The following MCC variants were observed in gnomAD, a reference collection of about 807,000 sequenced individuals.
MCC encodes MCC regulator of Wnt signaling pathway.
A neutral mutation model predicts 116.2 loss-of-function variants in MCC; 90 were observed. The observed-to-expected ratio is 0.77, with a 90% CI of 0.65 to 0.92. The LOEUF is 0.92. MCC is among the 40% of genes least tolerant of loss of function. The probability of loss-of-function intolerance (pLI) is 0.00; values close to 1 mark genes in which losing one functional copy is unlikely to be tolerated. For missense variants in MCC, 1,516 were observed against 1,312.2 expected, an observed-to-expected ratio of 1.16 and a Z score of -2.40; for synonymous variants, 578 against 510.5, an observed-to-expected ratio of 1.13 and a Z score of -1.78.
chr5:113,405,210 A>G, intron 1 of MCC, among the ~76,000 whole-genome samples: 1 of 152,342 alleles, frequency 6.6e-6, no homozygotes, highest in East Asian at 1.9e-4. Flanking sequence ...CTTACAGTAG[A>G]TCAGCTTACA....
At chr5:113,100,724 G>C (rs895491827) in intron 8 of MCC, among the ~76,000 whole-genome samples, 5 of 152,072 alleles carry the variant, frequency 3.3e-5, no homozygotes, top group African/African-American at 1.2e-4. Context: ...GCCTGCCTCG[G>C]CCTCCCAAAG....
chr5:113,134,601 A>AT (rs1304688733), intron 5 of MCC, among the ~76,000 whole-genome samples: 1,623 of 40,040 alleles, frequency 0.041, 20 homozygotes, highest in Non-Finnish European at 0.058. Context: ...ACATTGTAGG[A>AT]TTTTTTTTTT....
At chr5:113,045,037 TCTCCACCTACCTGCG>T in intron 16 of MCC, among the ~76,000 whole-genome samples, 1 of 152,128 alleles carries the variant, frequency 6.6e-6, no homozygotes, top group African/African-American at 2.4e-5. Flanking sequence ...TTCCACCTCC[TCTCCACCTACCTGCG>T]CTCAGAGATC....
intron 2 of MCC, among the ~76,000 whole-genome samples, chr5:113,381,192 C>T (rs1194946275): frequency 6.6e-6 from 1 of 152,146 alleles, no homozygotes; most frequent in African/African-American, 2.4e-5. Flanking sequence ...TCTGGCTATA[C>T]TTTTGCACGC....
At chr5:113,124,230 A>C (rs1335858568) in intron 5 of MCC, among the ~76,000 whole-genome samples, 1 of 152,360 alleles carries the variant, frequency 6.6e-6, no homozygotes. Context: ...TAATTATTAG[A>C]CATCTGCAAA....
chr5:113,101,617 G>A (rs1756415025), intron 8 of MCC, 122 bp downstream of exon 8: 2 of 943,842 alleles, frequency 2.1e-6, no homozygotes, highest in South Asian at 1.5e-5. Context: ...ACAGGAAAGA[G>A]ACAGTGATTC....
chr5:113,076,378 T>G (rs1328358057), intron 11 of MCC, among the ~76,000 whole-genome samples: 2 of 151,806 alleles, frequency 1.3e-5, no homozygotes, highest in Non-Finnish European at 2.9e-5. Flanking sequence ...AAAGTTGAAA[T>G]GAAGGAAAAA....
chr5:113,274,020 G>T (rs1427087236), intron 3 of MCC, among the ~76,000 whole-genome samples: 1 of 152,162 alleles, frequency 6.6e-6, no homozygotes, highest in African/African-American at 2.4e-5. Flanking sequence ...ACAGAAAAAC[G>T]CTGGCTTCTC....
At chr5:113,477,710 TG>T (rs1772270970) in intron 1 of MCC, among the ~76,000 whole-genome samples, 1 of 152,078 alleles carries the variant, frequency 6.6e-6, no homozygotes, top group Non-Finnish European at 1.5e-5. Context: ...GCTCCAGAGA[TG>T]TGAAGAGTAG....
At chr5:113,254,110 A>C (rs777809135) in intron 3 of MCC, among the ~76,000 whole-genome samples, 1 of 152,220 alleles carries the variant, frequency 6.6e-6, no homozygotes, top group Non-Finnish European at 1.5e-5. Context: ...GAGTCTCCAA[A>C]GAAAGGTCCA....
At chr5:113,182,617 C>T (rs1377986085) in intron 3 of MCC, among the ~76,000 whole-genome samples, 1 of 152,136 alleles carries the variant, frequency 6.6e-6, no homozygotes, top group Non-Finnish European at 1.5e-5. Context: ...AAGAGCAAGC[C>T]TTCAAAAGCT....
chr5:113,191,749 T>G (rs767884435), intron 3 of MCC, among the ~76,000 whole-genome samples: 1 of 152,186 alleles, frequency 6.6e-6, no homozygotes, highest in Non-Finnish European at 1.5e-5. Flanking sequence ...ACGCAATTGA[T>G]TATAGAACAG....
Position 113,122,808 on chromosome 5 carries a change from T to G in MCC, c.903A>C (p.Ser301=), listed in dbSNP as rs1331725047. 6 of 1,614,024 alleles carry G rather than the reference T, an allele frequency of 3.7e-6. No homozygotes were observed. The highest frequency in any genetic ancestry group is 5.1e-6 in the Non-Finnish European group (6 of 1,180,020). Residue 301 remains serine, a synonymous_variant, in exon 6 of 19, where the codon TCA becomes TCC. Coordinates refer to ENST00000408903, the MANE Select transcript of MCC (RefSeq NM_001085377.2). The part of the protein sequence containing the change: ...GTTIREEDEY[S]ELRSELSQSQ... Reference sequence around the variant, plus strand: ...TCTGGCTGAGTTCTGATCGCAGTTCTGAGTACTCATCTTCCTCCCTGAGAA... The same window carrying G: ...TCTGGCTGAGTTCTGATCGCAGTTCGGAGTACTCATCTTCCTCCCTGAGAA...
At chr5:113,063,529 C>T (rs895894888) in intron 14 of MCC, among the ~76,000 whole-genome samples, 11 of 152,100 alleles carry the variant, frequency 7.2e-5, no homozygotes, top group African/African-American at 2.2e-4. Context: ...AGCTTATAGA[C>T]GATGGAGGCA....
At chr5:113,062,291 C>CAA (rs1241640474) in intron 14 of MCC, among the ~76,000 whole-genome samples, 2 of 152,192 alleles carry the variant, frequency 1.3e-5, no homozygotes, top group Admixed American at 1.3e-4. Context: ...TCTAAGAAAA[C>CAA]AGTCTCAAAA....
chr5:113,190,931 A>C (rs1762123945), intron 3 of MCC, among the ~76,000 whole-genome samples: 1 of 152,214 alleles, frequency 6.6e-6, no homozygotes, highest in African/African-American at 2.4e-5. Flanking sequence ...AAGTACTCTG[A>C]AGTGGGCAAG....
chr5:113,277,783 G>A (rs1221849378), intron 3 of MCC, among the ~76,000 whole-genome samples: 2 of 152,142 alleles, frequency 1.3e-5, no homozygotes, highest in Admixed American at 6.5e-5. Context: ...CTACTGTGGA[G>A]AGACTGGAAT....
At chr5:113,034,520 C>T (rs1484596593) in intron 17 of MCC, among the ~76,000 whole-genome samples, 2 of 152,236 alleles carry the variant, frequency 1.3e-5, no homozygotes, top group East Asian at 3.9e-4. Flanking sequence ...CTCAATGAGG[C>T]TGTGAGTGGC....
chr5:113,146,390 C>A lies in MCC; in HGVS notation c.742-3030G>T, dbSNP rs547847198. Among the ~76,000 whole-genome samples, 97 of 11,950 alleles carry A rather than the reference C, an allele frequency of 8.1e-3. 2 individuals are homozygous for A. In the South Asian group the frequency reaches 0.19, roughly 24 times the overall value. The allele number at this position is 11,950 out of a possible 152,430, so 7.8% of individuals were successfully genotyped here. On this transcript the variant is annotated intron_variant, in intron 4 of 18. Transcript: ENST00000408903. ...CCTCTATGTCTTCCTCCCCCAGCTC[C>A]CTGACCTGAGTTTATATCCTCTTCA...
Sources: gnomAD v4.1 joint callset for allele counts (sites outside exome capture counted in the v4.1 genomes callset) on GRCh38, gnomAD v4.1.1 for gene constraint, MANE v1.5 for transcripts, NCBI Gene and HGNC (gene_info 2026-07-23, HGNC 2026-07-21) for gene names.